NLGN4X: variants seen among roughly 807,000 people sequenced by gnomAD.
The protein encoded by NLGN4X is neuroligin 4 X-linked.
NLGN4X carries 3 observed loss-of-function variants against 40.3 expected under a neutral mutation model. The observed-to-expected ratio is 0.07, with a 90% CI of 0.03 to 0.19. The LOEUF (loss-of-function observed/expected upper bound fraction) is 0.19. Among genes scored for constraint, NLGN4X ranks in the 10% least tolerant of loss-of-function variants. The pLI is 1.00. For missense variants in NLGN4X, 382 were observed against 708.3 expected (o/e 0.54, Z 5.23); for synonymous variants, 270 against 306.8 (o/e 0.88, Z 1.25).
intron 2 of NLGN4X, among the ~76,000 whole-genome samples, chrX:6,081,773 A>C (rs987506205): frequency 8.9e-5 from 10 of 112,564 alleles, no homozygotes; most frequent in African/African-American, 3.2e-4. Flanking sequence ...TGCTCTAGAA[A>C]CTAGAAACCA....
chrX:6,132,037 A>C (rs1428789662), intron 2 of NLGN4X, among the ~76,000 whole-genome samples: 1 of 111,302 alleles, frequency 9.0e-6, no homozygotes, highest in Non-Finnish European at 1.9e-5. Flanking sequence ...ACAAACAAAA[A>C]TGTCTTCCCA....
At chrX:6,161,424 T>C (rs865872121) in intron 1 of NLGN4X, among the ~76,000 whole-genome samples, 1 of 98,108 alleles carries the variant, frequency 1.0e-5, no homozygotes, top group Non-Finnish European at 2.0e-5. Context: ...ATATAGGATA[T>C]AAAATATATT....
intron 1 of NLGN4X, among the ~76,000 whole-genome samples, chrX:6,213,120 C>A (rs1207139732): frequency 9.3e-6 from 1 of 107,342 alleles, no homozygotes; most frequent in Non-Finnish European, 1.9e-5. Context: ...AGAAAAGTGA[C>A]AAACTCTCTG....
intron 1 of NLGN4X, among the ~76,000 whole-genome samples, chrX:6,185,672 A>G (rs1921946000): frequency 8.9e-6 from 1 of 112,489 alleles, no homozygotes; most frequent in South Asian, 3.7e-4. Context: ...AAAAATCACA[A>G]TAATTGTTTG....
At chrX:5,941,858 G>C (rs918796856) in intron 3 of NLGN4X, among the ~76,000 whole-genome samples, 2 of 112,346 alleles carry the variant, frequency 1.8e-5, no homozygotes, top group Non-Finnish European at 3.8e-5. Context: ...CATACAAGTA[G>C]AGTGGGTTGA....
chrX:6,055,601 A>C (rs908635758), intron 2 of NLGN4X, among the ~76,000 whole-genome samples: 1 of 110,461 alleles, frequency 9.1e-6, no homozygotes, highest in Admixed American at 9.7e-5. Context: ...TCCATTTAAT[A>C]AATCTGTACA....
At chrX:5,978,353 CTCTT>C (rs367718371) in intron 3 of NLGN4X, among the ~76,000 whole-genome samples, 4 of 89,550 alleles carry the variant, frequency 4.5e-5, no homozygotes, top group East Asian at 6.8e-4. Flanking sequence ...TCCCTTCCTT[CTCTT>C]TCTTTCTCTT....
chrX:6,019,782 G>C (rs1382239431), intron 3 of NLGN4X, among the ~76,000 whole-genome samples: 4 of 112,070 alleles, frequency 3.6e-5, no homozygotes, highest in Non-Finnish European at 7.5e-5. Flanking sequence ...AGGCTGAAGA[G>C]AGAAAGGGAT....
At chrX:5,976,615 G>C (rs1384464256) in intron 3 of NLGN4X, among the ~76,000 whole-genome samples, 1 of 112,075 alleles carries the variant, frequency 8.9e-6, no homozygotes, top group Non-Finnish European at 1.9e-5. Flanking sequence ...TAAATGCACC[G>C]CTTTTACAGC....
intron 4 of NLGN4X, 43 bp downstream of exon 4, chrX:5,909,011 G>A (rs1178301795): frequency 3.4e-6 from 4 of 1,192,405 alleles, no homozygotes; most frequent in Non-Finnish European, 4.5e-6. Flanking sequence ...TCATTTCTTG[G>A]TTCAGGGTAT....
intron 1 of NLGN4X, among the ~76,000 whole-genome samples, chrX:6,190,607 G>C (rs1362741653): frequency 8.9e-6 from 1 of 111,829 alleles, no homozygotes; most frequent in Non-Finnish European, 1.9e-5. Context: ...GCTCACAGCT[G>C]TATATCACAA....
At chrX:5,993,703 G>C (rs371532583) in intron 3 of NLGN4X, among the ~76,000 whole-genome samples, 1 of 111,853 alleles carries the variant, frequency 8.9e-6, no homozygotes, top group African/African-American at 3.2e-5. Context: ...TGAAGATGCC[G>C]GAGGGTTGGC....
chrX:6,011,048 A>T (rs887687179), intron 3 of NLGN4X, among the ~76,000 whole-genome samples: 8 of 111,642 alleles, frequency 7.2e-5, no homozygotes, highest in Non-Finnish European at 1.1e-4. Flanking sequence ...CTCATTAATA[A>T]TATCCTAGTT....
chrX:6,222,086 C>T (rs1465439714), intron 1 of NLGN4X, among the ~76,000 whole-genome samples: 1 of 111,384 alleles, frequency 9.0e-6, no homozygotes, highest in African/African-American at 3.3e-5. Flanking sequence ...TTGAAACAAC[C>T]CAAGTTCCTT....
chrX:5,988,320 G>A (rs1436920930), intron 3 of NLGN4X, among the ~76,000 whole-genome samples: 1 of 111,975 alleles, frequency 8.9e-6, no homozygotes, highest in Admixed American at 9.5e-5. Context: ...GCACATTGGC[G>A]TGTGCAATAA....
Position 5,909,348 on chromosome X carries a change from T to C in NLGN4X, c.626-109A>G, listed in dbSNP as rs2146762088. The C allele has an allele frequency of 3.3e-6, 3 of 922,259 alleles. No homozygotes were observed. The East Asian group carries it at 9.7e-5, about 30-fold the overall frequency. 76.0% of individuals were successfully genotyped at this position (922,259 alleles called of 1,213,427 possible). ...CTTGTCTTCTTCATTCTCTCTCTCC[T>C]CAACTCTCACCCCCACCAATTAGAG... On this transcript the variant is annotated intron_variant, in intron 3 of 5. Transcript: ENST00000381095.
intron 3 of NLGN4X, among the ~76,000 whole-genome samples, chrX:5,990,554 A>T (rs757832605): frequency 2.7e-5 from 3 of 112,173 alleles, no homozygotes; most frequent in Non-Finnish European, 3.8e-5. Context: ...TATAACAACA[A>T]TACAAGAATA....
intron 3 of NLGN4X, among the ~76,000 whole-genome samples, chrX:6,013,069 T>G (rs781249884): frequency 9.0e-6 from 1 of 111,269 alleles, no homozygotes; most frequent in African/African-American, 3.3e-5. Context: ...AAAATACCCA[T>G]GGAAAGACCT....
chrX:6,101,865 A>G (rs1310168849), intron 2 of NLGN4X, among the ~76,000 whole-genome samples: 1 of 106,813 alleles, frequency 9.4e-6, no homozygotes, highest in Non-Finnish European at 1.9e-5. Flanking sequence ...GCTGGAGTGC[A>G]GTGGCATGAT....
Sources: allele counts gnomAD v4.1 joint callset (sites outside exome capture counted in the v4.1 genomes callset), GRCh38; gene constraint gnomAD v4.1.1; transcripts MANE v1.5; gene names NCBI Gene and HGNC (gene_info 2026-07-23, HGNC 2026-07-21).